The following C9 variants were observed in gnomAD, a reference collection of about 807,000 sequenced individuals.
C9 encodes complement component C9.
In C9, 63 loss-of-function variants were observed where a neutral mutation model predicts 65.4. That is an observed-to-expected ratio of 0.96 (90% CI 0.79 to 1.19). The LOEUF is 1.19. C9 is among the 50% of genes most tolerant of loss of function. The pLI is 0.00. For synonymous variants in C9, 229 were observed against 227.9 expected (o/e 1.00, Z -0.04); for missense variants, 744 against 670.1 (o/e 1.11, Z -1.22).
intron 1 of C9, among the ~76,000 whole-genome samples, chr5:39,356,059 A>G (rs1754408832): frequency 6.6e-6 from 1 of 152,216 alleles, no homozygotes. Context: ...TCAGCCCATA[A>G]CACTCATAAA....
chr5:39,310,490 A>G (rs1753461649), intron 7 of C9, among the ~76,000 whole-genome samples: 1 of 152,142 alleles, frequency 6.6e-6, no homozygotes, highest in Non-Finnish European at 1.5e-5. Flanking sequence ...ATAACTATGT[A>G]TCAGTAGGCC....
intron 1 of C9, among the ~76,000 whole-genome samples, chr5:39,359,747 G>A (rs548804963): frequency 6.6e-6 from 1 of 152,184 alleles, no homozygotes; most frequent in Non-Finnish European, 1.5e-5. Flanking sequence ...ACTTGGCTGA[G>A]GTGCAACAAG....
intron 5 of C9, among the ~76,000 whole-genome samples, chr5:39,323,676 A>G (rs2111913037): frequency 6.6e-6 from 1 of 152,098 alleles, no homozygotes; most frequent in Admixed American, 6.6e-5. Flanking sequence ...GTATCTCGAC[A>G]TAATAAAGGC....
chr5:39,323,919 C>CA (rs988986424), intron 5 of C9, among the ~76,000 whole-genome samples: 4 of 151,822 alleles, frequency 2.6e-5, no homozygotes, highest in Admixed American at 6.6e-5. Context: ...AGACACCACC[C>CA]AAAAAACAAA....
In C9 at chr5:39,341,247, G is replaced by A. The variant is rs145434331; in HGVS notation, c.375C>T (p.Cys125=). 9.9e-5 allele frequency: 160 copies of A among 1,614,102 alleles called. No homozygotes were observed. In the African/African-American group the frequency reaches 1.5e-3, roughly 15 times the overall value. The change falls in exon 4 of 11, where the codon TGC becomes TGT. Residue 125 remains cysteine, a synonymous_variant. Coordinates refer to ENST00000263408, the MANE Select transcript of C9 (RefSeq NM_001737.5). ...MRLRCNGDND[C]GDFSDEDDCE... ...AATCATCCTCATCTGAAAAGTCTCCGCAGTCATTGTCACCATTACACCGAA... is the reference window on the plus strand; with the variant it reads ...AATCATCCTCATCTGAAAAGTCTCCACAGTCATTGTCACCATTACACCGAA...
At chr5:39,362,986 C>T (rs76916395) in intron 1 of C9, among the ~76,000 whole-genome samples, 1,960 of 152,232 alleles carry the variant, frequency 0.013, 41 homozygotes, top group African/African-American at 0.045. Context: ...CTGAGTGTGG[C>T]CAGGACCCAG....
intron 9 of C9, among the ~76,000 whole-genome samples, chr5:39,301,602 T>G (rs1361001297): frequency 6.6e-6 from 1 of 152,126 alleles, no homozygotes; most frequent in Non-Finnish European, 1.5e-5. Flanking sequence ...GCAATATTAC[T>G]TCTGCAATAC....
chr5:39,357,687 A>T (rs1754436060), intron 1 of C9, among the ~76,000 whole-genome samples: 1 of 152,224 alleles, frequency 6.6e-6, no homozygotes, highest in Admixed American at 6.5e-5. Flanking sequence ...GAGGGAGGGC[A>T]GTGAAAGAAT....
chr5:39,349,739 A>G (rs1254087906), intron 1 of C9, among the ~76,000 whole-genome samples: 2 of 152,178 alleles, frequency 1.3e-5, no homozygotes, highest in Non-Finnish European at 2.9e-5. Context: ...ATGGCATTCA[A>G]TGTATTCACC....
chr5:39,334,567 G>A (rs1233067382), intron 4 of C9, among the ~76,000 whole-genome samples: 1 of 148,288 alleles, frequency 6.7e-6, no homozygotes, highest in Non-Finnish European at 1.5e-5. Flanking sequence ...GGAGGGAGGT[G>A]GGGGGGTCAG....
intron 1 of C9, among the ~76,000 whole-genome samples, chr5:39,362,928 T>C (rs577135535): frequency 6.2e-4 from 94 of 152,140 alleles, no homozygotes; most frequent in African/African-American, 2.2e-3. Context: ...GTGCAGCTGC[T>C]GGAGCTGGGG....
At chr5:39,304,758 G>T (rs983201026) in intron 9 of C9, among the ~76,000 whole-genome samples, 2 of 152,258 alleles carry the variant, frequency 1.3e-5, no homozygotes. Context: ...AGTCTAAATG[G>T]AATGCCTACC....
intron 5 of C9, among the ~76,000 whole-genome samples, chr5:39,319,158 A>G (rs1443532316): frequency 6.6e-6 from 1 of 152,230 alleles, no homozygotes; most frequent in Non-Finnish European, 1.5e-5. Flanking sequence ...CTTACCTGAA[A>G]CATCACTTCT....
chr5:39,285,384 A>C (rs1752972961), intron 10 of C9, 151 bp from the exon 11 acceptor site: 1 of 698,368 alleles, frequency 1.4e-6, no homozygotes, highest in Non-Finnish European at 2.6e-6. Context: ...TGTAAGGTAC[A>C]AGGCACATTT....
chr5:39,361,913 G>A (rs1754528598), intron 1 of C9, among the ~76,000 whole-genome samples: 1 of 152,202 alleles, frequency 6.6e-6, no homozygotes, highest in Admixed American at 6.5e-5. Flanking sequence ...GAGCCCTGAA[G>A]GCTAGCTGTA....
rs1267276523 is a variant in C9 at position 39,306,647 on chromosome 5, T to C, written c.1386A>G (p.Ile462Met). The change falls in exon 9 of 11, where the codon ATA becomes ATG. Residue 462 changes from isoleucine to methionine, a missense_variant. By Grantham distance (10) the Ile-to-Met change is conservative. Transcript: ENST00000263408. ...GACTAATGAGAACAGGAGCATCATTTATGGAAGAGGCCCAGTTGACAAAGT... is the reference window on the plus strand; with the variant it reads ...GACTAATGAGAACAGGAGCATCATTCATGGAAGAGGCCCAGTTGACAAAGT... ...VTDFVNWASS[I>M]NDAPVLISQK... 6.2e-7 allele frequency: 1 copy of C among 1,613,690 alleles called. No individual in the cohort carries two copies. The highest frequency in any genetic ancestry group is 1.1e-5 in the South Asian group (1 of 91,088).
rs774582816 is a variant in C9, at chr5:39,341,702, T to C, written c.184-2A>G. 1 of 1,613,930 alleles carries C rather than the reference T, an allele frequency of 6.2e-7. No individual in the cohort carries two copies. Reference sequence around the variant, plus strand: ...GACCTCAATGCTTCTTGAACGAAACTGCACAATATCAGTTGGAATGATTAG... The same window carrying C: ...GACCTCAATGCTTCTTGAACGAAACCGCACAATATCAGTTGGAATGATTAG... On this transcript the variant is annotated splice_acceptor_variant, in intron 2 of 10. Transcript: ENST00000263408. LOFTEE classifies it high-confidence loss of function.
In C9 at chr5:39,308,323, A is replaced by C; in HGVS notation, c.1147T>G (p.Tyr383Asp). ...ELKDIKRCLG[Y>D]HLDVSLAFSE... ...AAAGCCAGAGATACATCCAGATGATACCCAAGGCATCTCTTTATGTCTTTT... is the reference window on the plus strand; with the variant it reads ...AAAGCCAGAGATACATCCAGATGATCCCCAAGGCATCTCTTTATGTCTTTT... The change falls in exon 8 of 11, where the codon TAT becomes GAT. Residue 383 changes from tyrosine (Y) to aspartate (D), a missense_variant. Tyr to Asp is a radical substitution (Grantham distance 160, BLOSUM62 -3). Transcript: ENST00000263408. 3 of 1,601,136 alleles carry C rather than the reference A, an allele frequency of 1.9e-6. No homozygotes were observed. Among genetic ancestry groups the C allele is most frequent in the Non-Finnish European group, 2.6e-6 (3 of 1,168,262 alleles).
chr5:39,351,906 G>T (rs1754330776), intron 1 of C9, among the ~76,000 whole-genome samples: 2 of 152,120 alleles, frequency 1.3e-5, no homozygotes. Context: ...TATCTTTAAA[G>T]AATGTCCCGC....
Sources: gnomAD v4.1 joint callset for allele counts (sites outside exome capture counted in the v4.1 genomes callset) on GRCh38, gnomAD v4.1.1 for gene constraint, MANE v1.5 for transcripts, NCBI Gene and HGNC (gene_info 2026-07-23, HGNC 2026-07-21) for gene names.